Variants in ATG7 observed in about 807,000 individuals in gnomAD.
The protein encoded by ATG7 is autophagy related 7, also known as ubiquitin-like modifier-activating enzyme ATG7.
ATG7 carries 70 observed loss-of-function variants against 82.4 expected under a neutral mutation model. That is an observed-to-expected ratio of 0.85 (90% CI 0.70 to 1.04). ATG7 has a LOEUF of 1.04. ATG7 is among the 50% of genes least tolerant of loss of function. ATG7 has a pLI of 0.00. For missense variants in ATG7, 792 were observed against 864.3 expected (o/e 0.92, Z 1.05); for synonymous variants, 287 against 313.0 (o/e 0.92, Z 0.88).
intron 20 of ATG7, among the ~76,000 whole-genome samples, chr3:11,522,864 G>A (rs1171967024): frequency 6.6e-6 from 1 of 152,066 alleles, no homozygotes. Context: ...TCACAAATTA[G>A]TAGATAGCTC....
chr3:11,462,035 A>C (rs951631895), intron 20 of ATG7, among the ~76,000 whole-genome samples: 2 of 151,886 alleles, frequency 1.3e-5, no homozygotes, highest in African/African-American at 4.8e-5. Context: ...TGTCTCCAAA[A>C]AAAAAGAAAG....
intron 20 of ATG7, among the ~76,000 whole-genome samples, chr3:11,541,457 T>C (rs2070827038): frequency 6.6e-6 from 1 of 152,212 alleles, no homozygotes; most frequent in African/African-American, 2.4e-5. Context: ...TGCCTGAAGC[T>C]TTATAGAGTC....
At chr3:11,336,250 T>C (rs1345422240) in intron 11 of ATG7, among the ~76,000 whole-genome samples, 2 of 151,562 alleles carry the variant, frequency 1.3e-5, no homozygotes, top group Admixed American at 6.6e-5. Context: ...CCCAGGCTGG[T>C]CTTGAACTCC....
At chr3:11,289,314 C>T (rs143747842) in intron 3 of ATG7, among the ~76,000 whole-genome samples, 1 of 152,322 alleles carries the variant, frequency 6.6e-6, no homozygotes, top group Non-Finnish European at 1.5e-5. Context: ...CCCCTCCGAC[C>T]ATTACTTCTT....
chr3:11,539,980 G>T (rs1157424036), intron 20 of ATG7, among the ~76,000 whole-genome samples: 1 of 152,224 alleles, frequency 6.6e-6, no homozygotes, highest in Non-Finnish European at 1.5e-5. Context: ...CTGGTGAGCT[G>T]TTCTTGGGTT....
At chr3:11,293,580 G>T (rs1266147035) in intron 3 of ATG7, among the ~76,000 whole-genome samples, 14 of 151,306 alleles carry the variant, frequency 9.3e-5, no homozygotes, top group Admixed American at 2.6e-4. Flanking sequence ...GGGCGGGGTG[G>T]CTCACATCTG....
At chr3:11,299,457 ACTT>A in intron 5 of ATG7, 41 bp downstream of exon 5, 1 of 1,564,088 alleles carries the variant, frequency 6.4e-7, no homozygotes, top group Non-Finnish European at 8.8e-7. Context: ...AAAGAATACT[ACTT>A]TTGGCAAGGA....
intron 20 of ATG7, among the ~76,000 whole-genome samples, chr3:11,456,177 C>T (rs1362834902): frequency 6.6e-6 from 1 of 152,184 alleles, no homozygotes; most frequent in Non-Finnish European, 1.5e-5. Context: ...TGAGCGATGA[C>T]TAATCTTTCG....
At chr3:11,388,734 T>G in intron 19 of ATG7, among the ~76,000 whole-genome samples, 1 of 151,964 alleles carries the variant, frequency 6.6e-6, no homozygotes, top group Non-Finnish European at 1.5e-5. Context: ...GGCCCCTTCT[T>G]TCTTTTTTTT....
intron 5 of ATG7, among the ~76,000 whole-genome samples, chr3:11,305,969 C>T (rs536477521): frequency 1.3e-5 from 2 of 152,202 alleles, no homozygotes; most frequent in South Asian, 4.1e-4. Flanking sequence ...CATTAGTAGG[C>T]TACTAATGAA....
At position 11,358,400 on chromosome 3, in the gene ATG7, G is replaced by A. The variant is rs181949958; in HGVS notation, c.1285-18G>A. 7.2e-5 allele frequency: 116 copies of A among 1,606,520 alleles called. No homozygotes were observed. The Admixed American group carries it at 1.2e-3, about 16-fold the overall frequency. ...ATACCATTGCTCCAGACATAACTAC[G>A]TCCTGGTGTTTCCCTAGAATGCCAG... On this transcript the variant is annotated intron_variant, in intron 14 of 20. Transcript: ENST00000693202.
rs138452866 is a variant in ATG7 at position 11,519,721 on chromosome 3, G to A, written c.2080-35090G>A. Among the ~76,000 whole-genome samples, 128 of 151,594 alleles carry A rather than the reference G, an allele frequency of 8.4e-4. 1 individual carries two copies. In the East Asian group the frequency reaches 0.021, roughly 24 times the overall value. Reference sequence around the variant, plus strand: ...ACCACAGGCGCCCGTCACCGCGCCCGGCTAATTTTTTTTGCATTTTTAGTA... The same window carrying A: ...ACCACAGGCGCCCGTCACCGCGCCCAGCTAATTTTTTTTGCATTTTTAGTA... On this transcript the variant is annotated intron_variant, in intron 20 of 20. Coordinates refer to ENST00000693202, the MANE Select transcript of ATG7 (RefSeq NM_001349232.2).
intron 19 of ATG7, among the ~76,000 whole-genome samples, chr3:11,398,554 T>A (rs1162500972): frequency 1.3e-5 from 2 of 152,180 alleles, no homozygotes; most frequent in African/African-American, 4.8e-5. Flanking sequence ...ATTTGTAGGA[T>A]ATGGAGAAAG....
intron 20 of ATG7, among the ~76,000 whole-genome samples, chr3:11,538,687 AAAAAAAAAAAAAAAAAAAATTAGCC>A (rs2070542459): frequency 7.1e-6 from 1 of 140,094 alleles, no homozygotes; most frequent in Admixed American, 7.6e-5. Flanking sequence ...TAAAAAAAAA[AAAAAAAAAAAAAAAAAAAATTAGCC>A]AAAAAAAAAA....
At chr3:11,445,469 G>A (rs552085172) in intron 20 of ATG7, among the ~76,000 whole-genome samples, 1 of 152,234 alleles carries the variant, frequency 6.6e-6, no homozygotes, top group Admixed American at 6.5e-5. Flanking sequence ...CTTATAAGTG[G>A]GAGCTGAATC....
intron 20 of ATG7, among the ~76,000 whole-genome samples, chr3:11,503,688 G>A (rs574280089): frequency 3.3e-5 from 5 of 149,356 alleles, no homozygotes; most frequent in Non-Finnish European, 7.4e-5. Flanking sequence ...CCCAGGAGGC[G>A]GAGGTTGCAG....
At chr3:11,498,701 C>G (rs925534061) in intron 20 of ATG7, among the ~76,000 whole-genome samples, 2 of 152,186 alleles carry the variant, frequency 1.3e-5, no homozygotes, top group African/African-American at 4.8e-5. Context: ...TCCCAATCCT[C>G]TTTTTCCTCT....
intron 18 of ATG7, among the ~76,000 whole-genome samples, chr3:11,368,007 C>T (rs1289984527): frequency 1.3e-5 from 2 of 151,676 alleles, no homozygotes; most frequent in South Asian, 2.1e-4. Flanking sequence ...TTCAATGCCC[C>T]CCTCATGCCT....
At chr3:11,531,729 T>C (rs752132553) in intron 20 of ATG7, among the ~76,000 whole-genome samples, 5 of 152,064 alleles carry the variant, frequency 3.3e-5, no homozygotes, top group Non-Finnish European at 5.9e-5. Flanking sequence ...CCAGGCATGA[T>C]GGCACATGTC....
Sources: gnomAD v4.1 joint callset for allele counts (sites outside exome capture counted in the v4.1 genomes callset) on GRCh38, gnomAD v4.1.1 for gene constraint, MANE v1.5 for transcripts, NCBI Gene and HGNC (gene_info 2026-07-23, HGNC 2026-07-21) for gene names.